Variants in GRID2 observed in about 807,000 individuals in gnomAD.
GRID2 encodes glutamate receptor ionotropic, delta-2.
A neutral mutation model predicts 114.8 loss-of-function variants in GRID2; 33 were observed. The observed-to-expected ratio is 0.29, with a 90% CI of 0.22 to 0.38. The LOEUF is 0.38. GRID2 is among the 10% of genes least tolerant of loss of function. The pLI, the probability that GRID2 is intolerant of heterozygous loss-of-function variation, is 1.00. For missense variants in GRID2, 1,184 were observed against 1,257.7 expected, an observed-to-expected ratio of 0.94 and a Z score of 0.89; for synonymous variants, 505 against 449.9, an observed-to-expected ratio of 1.12 and a Z score of -1.55.
intron 13 of GRID2, among the ~76,000 whole-genome samples, chr4:93,538,611 A>G (rs1732341736): frequency 1.3e-5 from 2 of 151,774 alleles, no homozygotes; most frequent in Non-Finnish European, 3.0e-5. Flanking sequence ...TATCAGTGAT[A>G]TATAGATATC....
At chr4:92,704,537 A>G (rs1446089801) in intron 2 of GRID2, among the ~76,000 whole-genome samples, 1 of 152,224 alleles carries the variant, frequency 6.6e-6, no homozygotes, top group Non-Finnish European at 1.5e-5. Context: ...TTTACATAAC[A>G]GATAGATGAA....
At chr4:93,727,349 G>A (rs1730019000) in intron 14 of GRID2, among the ~76,000 whole-genome samples, 1 of 152,262 alleles carries the variant, frequency 6.6e-6, no homozygotes, top group South Asian at 2.1e-4. Flanking sequence ...CTTGATCATG[G>A]TGGATAAGCT....
At chr4:93,602,561 A>G (rs1739791203) in intron 13 of GRID2, among the ~76,000 whole-genome samples, 1 of 152,216 alleles carries the variant, frequency 6.6e-6, no homozygotes, top group Admixed American at 6.5e-5. Context: ...ATTTGATACT[A>G]CTATTGCAAT....
chr4:93,004,535 T>G (rs1339235467), intron 2 of GRID2, among the ~76,000 whole-genome samples: 1 of 152,034 alleles, frequency 6.6e-6, no homozygotes, highest in Non-Finnish European at 1.5e-5. Flanking sequence ...CACTTATGAA[T>G]CCCGAGTTTC....
chr4:92,494,876 T>G (rs1290886987), intron 1 of GRID2, among the ~76,000 whole-genome samples: 1 of 152,062 alleles, frequency 6.6e-6, no homozygotes, highest in African/African-American at 2.4e-5. Flanking sequence ...AGAAAATTAT[T>G]GCTTAAAAAA....
At chr4:92,475,121 A>C (rs1403400073) in intron 1 of GRID2, among the ~76,000 whole-genome samples, 1 of 121,396 alleles carries the variant, frequency 8.2e-6, no homozygotes, top group South Asian at 2.7e-4. Context: ...AAGTATAATA[A>C]TAATAATAAA....
At chr4:93,606,415 A>T (rs1264385597) in intron 13 of GRID2, among the ~76,000 whole-genome samples, 1 of 152,184 alleles carries the variant, frequency 6.6e-6, no homozygotes, top group Non-Finnish European at 1.5e-5. Context: ...ATGAGAACAA[A>T]TGCTGTTCAT....
chr4:93,157,783 A>G (rs1344023942), intron 4 of GRID2, among the ~76,000 whole-genome samples: 2 of 151,700 alleles, frequency 1.3e-5, no homozygotes, highest in Non-Finnish European at 3.0e-5. Flanking sequence ...TCGCTACACC[A>G]GAATTCTGCT....
At chr4:93,101,722 A>G (rs967971562) in intron 3 of GRID2, among the ~76,000 whole-genome samples, 2 of 152,146 alleles carry the variant, frequency 1.3e-5, no homozygotes, top group Non-Finnish European at 2.9e-5. Context: ...GTGATTTAAT[A>G]AAATGAATCA....
intron 14 of GRID2, among the ~76,000 whole-genome samples, chr4:93,718,671 A>G (rs977860145): frequency 5.3e-5 from 8 of 152,204 alleles, no homozygotes; most frequent in African/African-American, 1.7e-4. Context: ...GTTTCAATCC[A>G]TTCCTGATGG....
intron 8 of GRID2, among the ~76,000 whole-genome samples, chr4:93,346,889 G>A (rs1445776988): frequency 6.6e-6 from 1 of 152,130 alleles, no homozygotes; most frequent in Non-Finnish European, 1.5e-5. Context: ...TTCATAAATA[G>A]GAGTCCTGCT....
intron 2 of GRID2, among the ~76,000 whole-genome samples, chr4:93,041,497 A>C (rs1025086956): frequency 5.3e-5 from 8 of 152,172 alleles, no homozygotes; most frequent in African/African-American, 1.4e-4. Context: ...AACTTAATTC[A>C]TTGAGTTGTA....
chr4:93,586,191 G>A (rs779118091), intron 13 of GRID2, among the ~76,000 whole-genome samples: 2 of 151,970 alleles, frequency 1.3e-5, no homozygotes, highest in Non-Finnish European at 2.9e-5. Context: ...CCAAAACCTG[G>A]CATTTCTGCA....
chr4:92,798,378 A>G (rs972020314), intron 2 of GRID2, among the ~76,000 whole-genome samples: 3 of 152,074 alleles, frequency 2.0e-5, no homozygotes, highest in African/African-American at 7.2e-5. Context: ...ACATGTCAAC[A>G]TAGCTAAATA....
intron 13 of GRID2, among the ~76,000 whole-genome samples, chr4:93,596,750 G>T (rs897293341): frequency 1.3e-5 from 2 of 152,074 alleles, no homozygotes; most frequent in African/African-American, 4.8e-5. Flanking sequence ...ATATCAGTTG[G>T]ATATTACTTG....
At chr4:92,648,121 T>C (rs1376319243) in intron 2 of GRID2, among the ~76,000 whole-genome samples, 2 of 149,956 alleles carry the variant, frequency 1.3e-5, no homozygotes, top group East Asian at 1.9e-4. Flanking sequence ...AATAAAATTC[T>C]TTTTGAGATC....
At chr4:93,172,627 G>C (rs1193315914) in intron 4 of GRID2, among the ~76,000 whole-genome samples, 1 of 151,852 alleles carries the variant, frequency 6.6e-6, no homozygotes, top group East Asian at 1.9e-4. Flanking sequence ...AATGACAGTT[G>C]CTATTGGAAA....
chr4:92,940,942 T>A (rs1175268307), intron 2 of GRID2, among the ~76,000 whole-genome samples: 1 of 152,162 alleles, frequency 6.6e-6, no homozygotes, highest in Non-Finnish European at 1.5e-5. Context: ...TGGATAAGAT[T>A]TTTGATGTGC....
intron 14 of GRID2, among the ~76,000 whole-genome samples, chr4:93,767,351 C>G (rs1477850794): frequency 6.6e-6 from 1 of 152,114 alleles, no homozygotes; most frequent in Non-Finnish European, 1.5e-5. Context: ...TCTGGAAATG[C>G]AAATGGCTTT....
Sources: allele counts gnomAD v4.1 joint callset (sites outside exome capture counted in the v4.1 genomes callset), GRCh38; gene constraint gnomAD v4.1.1; transcripts MANE v1.5; gene names NCBI Gene and HGNC (gene_info 2026-07-23, HGNC 2026-07-21).